The following TRIM62 variants were observed in gnomAD, a reference collection of about 807,000 sequenced individuals.
The protein encoded by TRIM62 is E3 ubiquitin-protein ligase TRIM62.
Under a neutral mutation model 44.2 loss-of-function variants are expected in TRIM62, and 39 were observed. The ratio of observed to expected loss-of-function variants is 0.88; its 90% confidence interval spans 0.68 to 1.15. The LOEUF is 1.15. Among genes scored for constraint, TRIM62 ranks in the 50% most tolerant of loss-of-function variants. The pLI is 0.00. For missense variants in TRIM62, 544 were observed against 665.5 expected (o/e 0.82, Z 2.01); for synonymous variants, 278 against 292.3 (o/e 0.95, Z 0.50).
intron 4 of TRIM62, among the ~76,000 whole-genome samples, chr1:33,148,683 TAC>T (rs1411439837): frequency 1.3e-5 from 2 of 152,222 alleles, no homozygotes; most frequent in African/African-American, 4.8e-5. Flanking sequence ...TATGTACATA[TAC>T]ACACACAACA....
chr1:33,153,927 G>A (rs556393472), intron 4 of TRIM62, among the ~76,000 whole-genome samples: 1 of 152,356 alleles, frequency 6.6e-6, no homozygotes, highest in Non-Finnish European at 1.5e-5. Flanking sequence ...TCTAGTGAGT[G>A]AGACAGCCAC....
Position 33,177,365 on chromosome 1 carries a change from C to T in TRIM62, c.408+3660G>A, listed in dbSNP as rs541519513. On this transcript the variant is annotated intron_variant, in intron 1 of 4. Coordinates refer to ENST00000291416, the MANE Select transcript of TRIM62 (RefSeq NM_018207.3). This position sits in a 1 kb window ranked among gnomAD's most constrained non-coding sequence, Gnocchi z 4.1. The stretch of plus-strand genomic sequence containing the variant: ...GATAAAGGATCCCTAACCCTTACAA[C>T]ATCCTTCCCAGGAACATCATATCCT... Among the ~76,000 whole-genome samples, 2 of 152,334 alleles carry T rather than the reference C, an allele frequency of 1.3e-5. No homozygotes were observed. Among genetic ancestry groups the T allele is most frequent in the East Asian group, 3.9e-4 (2 of 5,182 alleles).
At chr1:33,175,671 G>C (rs1377875068) in intron 1 of TRIM62, among the ~76,000 whole-genome samples, 1 of 152,162 alleles carries the variant, frequency 6.6e-6, no homozygotes, top group Non-Finnish European at 1.5e-5. Flanking sequence ...CTTGCAGTGT[G>C]ATCTTGGGAA....
At chr1:33,180,960 A>ACCCCCCCCCCCGCCCCC in intron 1 of TRIM62, 65 bp downstream of exon 1, 1 of 209,068 alleles carries the variant, frequency 4.8e-6, no homozygotes, top group Non-Finnish European at 8.6e-6. Flanking sequence ...CCCTGACCCC[A>ACCCCCCCCCCCGCCCCC]CCCCCCGCCC....
At chr1:33,151,057 G>T (rs765711841) in intron 4 of TRIM62, among the ~76,000 whole-genome samples, 1 of 152,112 alleles carries the variant, frequency 6.6e-6, no homozygotes, top group Admixed American at 6.5e-5. Context: ...CTCAGCTTCA[G>T]ACTTGTAGCT....
Position 33,167,046 on chromosome 1 carries a change from C to T in TRIM62, c.409-1480G>A, listed in dbSNP as rs536964642. On this transcript the variant is annotated intron_variant, in intron 1 of 4. Transcript: ENST00000291416. The surrounding 1 kb of genome is among the most constrained non-coding windows in gnomAD (Gnocchi z 4.2). ...GGCCTTCTTCCTGTGCCTCCACCAT[C>T]TTGAGCTCGTTCCAATCTTCAGACT... Among the ~76,000 whole-genome samples, 1 of 152,322 alleles carries T rather than the reference C, an allele frequency of 6.6e-6. No individual in the cohort carries two copies. The highest frequency in any genetic ancestry group is 1.9e-4 in the East Asian group (1 of 5,178).
In TRIM62 at chr1:33,146,433, G is replaced by A. The variant is rs1645022543; in HGVS notation, c.*744C>T. The A allele has an allele frequency of 1.9e-5, 3 of 159,436 alleles. No homozygotes were observed. The South Asian group carries it at 5.4e-4, about 29-fold the overall frequency. The allele number at this position is 159,436 out of a possible 1,614,324, so 9.9% of individuals were successfully genotyped here. A position where few individuals can be genotyped will look rare whatever the true frequency, so the allele number is the denominator to read the frequency against. ...AGCTACTGGGGACCTCGATCATCCA[G>A]GGAGGCTTGTCCTGCAGTTGCTTTT... is the stretch of plus-strand genomic sequence containing the variant. On this transcript the variant is annotated 3_prime_UTR_variant, in exon 5 of 5. Transcript: ENST00000291416.
chr1:33,168,141 G>A (rs1203014848), intron 1 of TRIM62, among the ~76,000 whole-genome samples: 1 of 152,174 alleles, frequency 6.6e-6, no homozygotes, highest in Non-Finnish European at 1.5e-5. Flanking sequence ...AGGATGAGGA[G>A]GAGCCAGCCA....
At chr1:33,171,192 T>C (rs1325276610) in intron 1 of TRIM62, among the ~76,000 whole-genome samples, 2 of 151,974 alleles carry the variant, frequency 1.3e-5, no homozygotes, top group Non-Finnish European at 2.9e-5. Flanking sequence ...AGCAGAGAGG[T>C]CACACAGGAA....
At position 33,165,599 on chromosome 1, in the gene TRIM62, G is replaced by C. The variant is rs367939111; in HGVS notation, c.409-33C>G. On this transcript the variant is annotated intron_variant, in intron 1 of 4. Coordinates refer to ENST00000291416, the MANE Select transcript of TRIM62 (RefSeq NM_018207.3). This position sits in a 1 kb window ranked among gnomAD's most constrained non-coding sequence, Gnocchi z 4.0. ...ACACACAGGGCCGGGATGGGGGCAG[G>C]GGCCATGCCTGGCCCAGGCATTCAG... is the stretch of plus-strand genomic sequence containing the variant. 3.1e-5 allele frequency: 48 copies of C among 1,565,438 alleles called. No individual in the cohort carries two copies. The highest frequency in any genetic ancestry group is 3.7e-5 in the Non-Finnish European group (43 of 1,150,810).
At chr1:33,180,796 C>A (rs1409314595) in intron 1 of TRIM62, among the ~76,000 whole-genome samples, 1 of 152,208 alleles carries the variant, frequency 6.6e-6, no homozygotes, top group African/African-American at 2.4e-5. Flanking sequence ...TGTCTCAGAT[C>A]CCTCAGGGTC....
In TRIM62 at chr1:33,181,112, G is replaced by C. The variant is rs767223339; in HGVS notation, c.321C>G (p.Arg107=). 1 of 1,600,264 alleles carries C rather than the reference G, an allele frequency of 6.2e-7. No individual in the cohort carries two copies. Among genetic ancestry groups the C allele is most frequent in the East Asian group, 2.2e-5 (1 of 44,726 alleles). ...DKVKLFCLTD[R]ALLCFFCDEP... The stretch of plus-strand genomic sequence containing the variant: ...CGTCGCAGAAGAAGCAGAGAAGCGC[G>C]CGGTCCGTGAGGCAGAAGAGCTTGA... Residue 107 remains arginine, a synonymous_variant, in exon 1 of 5, where the codon CGC becomes CGG. Coordinates refer to ENST00000291416, the MANE Select transcript of TRIM62 (RefSeq NM_018207.3). This position sits in a 1 kb window ranked among gnomAD's most constrained non-coding sequence, Gnocchi z 6.5.
rs1393036757 is a variant in TRIM62 at position 33,181,267 on chromosome 1, T to G, written c.166A>C (p.Thr56Pro). The change falls in exon 1 of 5, where the codon ACG becomes CCG. Residue 56 changes from threonine to proline, a missense_variant. Transcript: ENST00000291416. This position sits in a 1 kb window ranked among gnomAD's most constrained non-coding sequence, Gnocchi z 6.5. ...GGCGCCAGCGCGGGCTCGGCGAACG[T>G]GCGCCGGCACTCGGGGCAGTCGCGG... Reference protein sequence around the residue: ...GARDCPECRRTFAEPALAPSL... With the variant: ...GARDCPECRRPFAEPALAPSL... 2 of 1,547,994 alleles carry G rather than the reference T, an allele frequency of 1.3e-6. No homozygotes were observed.
intron 4 of TRIM62, among the ~76,000 whole-genome samples, chr1:33,150,481 A>G (rs1645081303): frequency 6.6e-6 from 1 of 152,198 alleles, no homozygotes; most frequent in Non-Finnish European, 1.5e-5. Flanking sequence ...TTAGTTTTGC[A>G]TTTTACCCTC....
intron 1 of TRIM62, among the ~76,000 whole-genome samples, chr1:33,173,407 G>A (rs1645389505): frequency 6.6e-6 from 1 of 152,170 alleles, no homozygotes; most frequent in Non-Finnish European, 1.5e-5. Context: ...GTGTGTGTGT[G>A]AGCTTGTGTG....
intron 4 of TRIM62, among the ~76,000 whole-genome samples, chr1:33,157,938 A>G (rs558065295): frequency 6.6e-6 from 1 of 151,812 alleles, no homozygotes; most frequent in Admixed American, 6.6e-5. Context: ...TGTATTTTTA[A>G]TAGAGACAGG....
chr1:33,174,945 G>GTA (rs72310095), intron 1 of TRIM62, among the ~76,000 whole-genome samples: 82 of 141,748 alleles, frequency 5.8e-4, no homozygotes, highest in African/African-American at 2.1e-3. Context: ...ATATATGTGT[G>GTA]TATATATATA....
chr1:33,147,403 G>A lies in TRIM62; in HGVS notation c.1202C>T (p.Thr401Met), dbSNP rs1022407506. Reference protein sequence around the residue: ...MHDGNQYSACTEPWTRLNVRD... With the variant: ...MHDGNQYSACMEPWTRLNVRD... The stretch of plus-strand genomic sequence containing the variant: ...GACGTTAAGCCGCGTCCAGGGCTCC[G>A]TGCAGGCGCTGTACTGGTTGCCATC... The change falls in exon 5 of 5, where the codon ACG (threonine) becomes ATG (methionine). Residue 401 changes from threonine (T) to methionine (M), a missense_variant. By Grantham distance (81) the Thr-to-Met change is moderately conservative. Transcript: ENST00000291416. This position sits in a 1 kb window ranked among gnomAD's most constrained non-coding sequence, Gnocchi z 8.1. 12 of 1,614,060 alleles carry A rather than the reference G, an allele frequency of 7.4e-6. No homozygotes were observed. The highest frequency in any genetic ancestry group is 5.3e-5 in the African/African-American group (4 of 74,934).
At chr1:33,160,065 G>A in intron 2 of TRIM62, 121 bp from the exon 3 acceptor site, 1 of 1,299,474 alleles carries the variant, frequency 7.7e-7, no homozygotes, top group Non-Finnish European at 1.1e-6. Context: ...GGCACGCGTG[G>A]TGGGGGAAAT....
Sources: gnomAD v4.1 joint callset for allele counts (sites outside exome capture counted in the v4.1 genomes callset) on GRCh38, gnomAD v4.1.1 for gene constraint, Gnocchi (gnomAD v3.1) non-coding constraint, MANE v1.5 for transcripts, NCBI Gene and HGNC (gene_info 2026-07-23, HGNC 2026-07-21) for gene names.